The following ODF2 variants were observed in gnomAD, a reference collection of about 807,000 sequenced individuals.
ODF2 encodes the protein outer dense fiber of sperm tails 2.
ODF2 carries 47 observed loss-of-function variants against 110.2 expected under a neutral mutation model. That is an observed-to-expected ratio of 0.43 (90% confidence interval 0.34 to 0.54). The LOEUF is 0.54. Among genes scored for constraint, ODF2 ranks in the 20% least tolerant of loss-of-function variants. The pLI is 0.03. For synonymous variants in ODF2, 352 were observed against 397.7 expected (o/e 0.89, Z 1.37); for missense variants, 812 against 1,054.5 (o/e 0.77, Z 3.19).
At chr9:128,469,745 A>G (rs1182634071) in intron 5 of ODF2, among the ~76,000 whole-genome samples, 1 of 151,682 alleles carries the variant, frequency 6.6e-6, no homozygotes, top group Non-Finnish European at 1.5e-5. Flanking sequence ...CTGTAATCCC[A>G]GCACTTTGGG....
At chr9:128,456,456 G>A in intron 1 of ODF2, 1 of 1,515,878 alleles carries the variant, frequency 6.6e-7, no homozygotes, top group Non-Finnish European at 8.8e-7. Flanking sequence ...TCCCGCTAAC[G>A]GGCGGTCGGC....
exon 15 of ODF2, chr9:128,492,505 A>G: frequency 6.2e-7 from 1 of 1,613,794 alleles, no homozygotes; most frequent in Non-Finnish European, 8.5e-7. Flanking sequence ...GTGAAGAACT[A>G]TGAGGGGATG....
exon 2 of ODF2, chr9:128,457,315 G>T: frequency 6.2e-7 from 1 of 1,609,538 alleles, no homozygotes; most frequent in South Asian, 1.1e-5. Context: ...CGGGCCCCTT[G>T]AGAGGCTCAT....
intron 9 of ODF2, 87 bp from the exon 10 acceptor site, chr9:128,482,729 G>A: frequency 1.0e-6 from 1 of 969,916 alleles, no homozygotes; most frequent in Non-Finnish European, 1.6e-6. Context: ...GGGCCCCAGT[G>A]GCCAGGTACT....
chr9:128,460,597 C>A (rs148610800), intron 3 of ODF2: 1 of 1,613,952 alleles, frequency 6.2e-7, no homozygotes, highest in East Asian at 2.2e-5. Context: ...TACATGTTCA[C>A]GTGGATGAGA....
chr9:128,487,801 C>G, intron 13 of ODF2, 89 bp from the exon 14 acceptor site: 1 of 1,064,238 alleles, frequency 9.4e-7, no homozygotes. Flanking sequence ...AACAAACAAA[C>G]AAAACACACA....
chr9:128,494,814 A>G lies in ODF2; in HGVS notation c.1911+146A>G, dbSNP rs1845307034. 4 of 1,539,500 alleles carry G rather than the reference A, an allele frequency of 2.6e-6. No individual in the cohort carries two copies. The highest frequency in any genetic ancestry group is 1.4e-5 in the African/African-American group (1 of 72,740). ...GGAGTGAGCTATCATCAGTGCTGTG[A>G]AATAAAAGTCTGGTGTGCCAAATGC... On this transcript the variant is annotated intron_variant, in intron 17 of 20. Transcript: ENST00000604420. This position sits in a 1 kb window ranked among gnomAD's most constrained non-coding sequence, Gnocchi z 4.6.
At chr9:128,471,586 T>G (rs1588825867) in intron 6 of ODF2, 118 bp downstream of exon 6, 1 of 838,256 alleles carries the variant, frequency 1.2e-6, no homozygotes, top group Non-Finnish European at 1.9e-6. Flanking sequence ...GCCTGTGCCC[T>G]GGAGCCTGTT....
At chr9:128,484,306 A>C (rs1026046908) in intron 11 of ODF2, among the ~76,000 whole-genome samples, 1 of 152,116 alleles carries the variant, frequency 6.6e-6, no homozygotes. Context: ...CTATCACTTA[A>C]TCCCCTAGGC....
intron 1 of ODF2, 105 bp downstream of exon 1, chr9:128,456,360 C>T (rs997658405): frequency 1.2e-5 from 17 of 1,432,752 alleles, no homozygotes; most frequent in Middle Eastern, 2.5e-4. Context: ...GCCGTCGGGT[C>T]CTGGGTTCCC....
At position 128,472,792 on chromosome 9, in the gene ODF2, G is replaced by A. The variant is rs1406893803; in HGVS notation, c.582-121G>A. 10 of 1,472,796 alleles carry A rather than the reference G, an allele frequency of 6.8e-6. No homozygotes were observed. In the Admixed American group the frequency reaches 1.4e-4, roughly 20 times the overall value. 91.2% of individuals were successfully genotyped at this position (1,472,796 alleles called of 1,614,324 possible). A position where few individuals can be genotyped will look rare whatever the true frequency, so the allele number is the denominator to read the frequency against. Reference sequence around the variant, plus strand: ...CACCCAGGCCAGAAGGGCTGTCCCTGCCCCCTCCCCTACTTTTCCCTGACC... The same window carrying A: ...CACCCAGGCCAGAAGGGCTGTCCCTACCCCCTCCCCTACTTTTCCCTGACC... On this transcript the variant is annotated intron_variant, in intron 6 of 20. Transcript: ENST00000604420.
At chr9:128,457,093 C>A (rs1390627226) in intron 1 of ODF2, 3 of 1,367,482 alleles carry the variant, frequency 2.2e-6, no homozygotes, top group Admixed American at 2.5e-5. Flanking sequence ...CGCGTGGGAC[C>A]CGGGCGCGGT....
In ODF2 at chr9:128,468,956, A is replaced by G. The variant is rs1291759389; in HGVS notation, c.250-227A>G. The G allele has an allele frequency of 5.7e-6, 3 of 524,420 alleles. No homozygotes were observed. The African/African-American group carries it at 5.8e-5, about 10-fold the overall frequency. 32.5% of individuals were successfully genotyped at this position (524,420 alleles called of 1,614,324 possible). ...CTATGTTCTTTATTTTAAACTTAAC[A>G]TTGTAGCCCAAGCTTTTAATTTTGA... is the stretch of plus-strand genomic sequence containing the variant. On this transcript the variant is annotated intron_variant, in intron 4 of 20. Transcript: ENST00000604420.
intron 12 of ODF2, 88 bp downstream of exon 12, chr9:128,484,974 G>C: frequency 8.1e-7 from 1 of 1,240,080 alleles, no homozygotes; most frequent in South Asian, 1.3e-5. Context: ...GGGTAGCGGG[G>C]AGGGGTGGGT....
intron 4 of ODF2, among the ~76,000 whole-genome samples, chr9:128,465,169 AGCACCT>A (rs1837517079): frequency 6.6e-6 from 1 of 152,190 alleles, no homozygotes; most frequent in Non-Finnish European, 1.5e-5. Flanking sequence ...AGGTTCTCTC[AGCACCT>A]GAAACAGTAG....
chr9:128,472,351 G>GTGGGCA (rs1381467085), intron 6 of ODF2, among the ~76,000 whole-genome samples: 1 of 152,164 alleles, frequency 6.6e-6, no homozygotes, highest in African/African-American at 2.4e-5. Flanking sequence ...GGAATTACAG[G>GTGGGCA]TGCCCACTAC....
rs757847835 is a variant in ODF2, at chr9:128,494,548, G to A, written c.1791G>A (p.Gln597=). 1 of 1,614,176 alleles carries A rather than the reference G, an allele frequency of 6.2e-7. No individual in the cohort carries two copies. The change falls in exon 17 of 21, where the codon CAG becomes CAA. Residue 597 remains glutamine (Q), a synonymous_variant. Transcript: ENST00000604420. This position sits in a 1 kb window ranked among gnomAD's most constrained non-coding sequence, Gnocchi z 4.6. ...TCCAGTCTCAGCTGGCTGACCTGCA[G>A]CAGCTCCCTGACATCCTGAAGATCA...
At chr9:128,459,576 G>T in exon 3 of ODF2, 1 of 1,613,770 alleles carries the variant, frequency 6.2e-7, no homozygotes. Context: ...GGTTTCCATC[G>T]TGTGGGAAGA....
chr9:128,476,650 T>C (rs1233575735), intron 8 of ODF2, among the ~76,000 whole-genome samples: 1 of 151,456 alleles, frequency 6.6e-6, no homozygotes, highest in African/African-American at 2.4e-5. Context: ...CTTTTTTTTT[T>C]TTCTTGAGAC....
Sources: allele counts gnomAD v4.1 joint callset (sites outside exome capture counted in the v4.1 genomes callset), GRCh38; gene constraint gnomAD v4.1.1; non-coding constraint Gnocchi (gnomAD v3.1); transcripts MANE v1.5; gene names NCBI Gene and HGNC (gene_info 2026-07-23, HGNC 2026-07-21).